The following LAMA2 variants were observed in gnomAD, a reference collection of about 807,000 sequenced individuals.
LAMA2 encodes the protein laminin subunit alpha-2.
A neutral mutation model predicts 364.8 loss-of-function variants in LAMA2; 269 were observed. That is an observed-to-expected ratio of 0.74 (90% CI 0.67 to 0.82). LAMA2 has a LOEUF of 0.82. LAMA2 is among the 40% of genes least tolerant of loss of function. LAMA2 has a pLI of 0.00. For synonymous variants in LAMA2, 1,379 were observed against 1,370.6 expected (o/e 1.01, Z -0.14); for missense variants, 3,807 against 3,873.2 (o/e 0.98, Z 0.45).
At chr6:128,963,541 G>A (rs887176762) in intron 1 of LAMA2, among the ~76,000 whole-genome samples, 3 of 151,798 alleles carry the variant, frequency 2.0e-5, no homozygotes, top group African/African-American at 4.8e-5. Context: ...GTTTACTGTT[G>A]TAAAATCTTA....
In LAMA2 at chr6:129,502,492, G is replaced by A. The variant is rs143852113; in HGVS notation, c.8245-167G>A. 8.3e-3 allele frequency among the ~76,000 whole-genome samples: 1,260 copies of A among 152,322 alleles called. 10 individuals carry two copies. Among genetic ancestry groups the A allele is most frequent in the Non-Finnish European group, 0.014 (942 of 68,038 alleles). ...ATGAGAAAACTGATTCACACGCACTGAGCACTCAATAATAAGTACTTACTA... is the reference window on the plus strand; with the variant it reads ...ATGAGAAAACTGATTCACACGCACTAAGCACTCAATAATAAGTACTTACTA... On this transcript the variant is annotated intron_variant, in intron 58 of 64. Transcript: ENST00000421865.
chr6:129,440,182 T>A (rs1782035596), intron 42 of LAMA2, among the ~76,000 whole-genome samples: 1 of 152,142 alleles, frequency 6.6e-6, no homozygotes, highest in Non-Finnish European at 1.5e-5. Context: ...AGTAGTCATC[T>A]ATAGGTACAA....
At chr6:129,389,632 C>T (rs1453432110) in intron 35 of LAMA2, among the ~76,000 whole-genome samples, 2 of 152,188 alleles carry the variant, frequency 1.3e-5, no homozygotes, top group Admixed American at 6.5e-5. Context: ...GACCACAGTT[C>T]TGCAGGCTTA....
intron 12 of LAMA2, among the ~76,000 whole-genome samples, chr6:129,237,027 C>G (rs967076930): frequency 3.3e-5 from 5 of 152,200 alleles, no homozygotes; most frequent in African/African-American, 4.8e-5. Context: ...GCTTTCACCA[C>G]CTGCCATCTT....
At chr6:128,993,143 C>T (rs924273686) in intron 1 of LAMA2, among the ~76,000 whole-genome samples, 7 of 152,224 alleles carry the variant, frequency 4.6e-5, no homozygotes, top group Non-Finnish European at 7.3e-5. Flanking sequence ...TCAGCTACAA[C>T]AACCACACTT....
At chr6:129,374,373 T>C (rs962095923) in intron 34 of LAMA2, among the ~76,000 whole-genome samples, 4 of 152,152 alleles carry the variant, frequency 2.6e-5, no homozygotes, top group African/African-American at 9.7e-5. Context: ...GAGACAGTGC[T>C]CTAGACTAGG....
Position 129,516,219 on chromosome 6 carries a change from A to G in LAMA2, c.9241A>G (p.Ser3081Gly), listed in dbSNP as rs1047293004. 11 of 1,614,146 alleles carry G rather than the reference A, an allele frequency of 6.8e-6. No individual in the cohort carries two copies. Among genetic ancestry groups the G allele is most frequent in the Non-Finnish European group, 9.3e-6 (11 of 1,180,012 alleles). Residue 3081 changes from serine to glycine, a missense_variant, in exon 65 of 65, where the codon AGT becomes GGT. Around this residue, in one of 3 missense-constraint regions of LAMA2, gnomAD observed 3,333 missense variants for 3,345.7 expected, o/e 1.00. Transcript: ENST00000421865. ...CCTCAAGCAGTTTGGCCTAACAACC[A>G]GTATTCCGTTCCGAGGTTGCATCAG... ...DDLKQFGLTT[S>G]IPFRGCIRSL...
intron 51 of LAMA2, among the ~76,000 whole-genome samples, chr6:129,465,919 T>C (rs981556517): frequency 1.3e-5 from 2 of 151,900 alleles, no homozygotes; most frequent in African/African-American, 4.8e-5. Flanking sequence ...CCAAGTCTAT[T>C]AATTCTGAGT....
At chr6:129,442,372 G>T in intron 43 of LAMA2, 1 of 291,484 alleles carries the variant, frequency 3.4e-6, no homozygotes, top group East Asian at 1.3e-4. Flanking sequence ...TTTAATGTAA[G>T]CCCAGAAATG....
At position 129,114,454 on chromosome 6, in the gene LAMA2, C is replaced by A. The variant is rs1390948477; in HGVS notation, c.639+16039C>A. Among the ~76,000 whole-genome samples, 7 of 151,896 alleles carry A rather than the reference C, an allele frequency of 4.6e-5. No homozygotes were observed. The South Asian group carries it at 1.5e-3, about 32-fold the overall frequency. ...ACATTCTTGTTAGTTCCCATTGATA[C>A]GATTATAACTCACACAATTCCCTAA... On this transcript the variant is annotated intron_variant, in intron 4 of 64. Coordinates refer to ENST00000421865, the MANE Select transcript of LAMA2 (RefSeq NM_000426.4).
At chr6:129,243,008 A>C (rs1785497238) in intron 12 of LAMA2, among the ~76,000 whole-genome samples, 1 of 152,032 alleles carries the variant, frequency 6.6e-6, no homozygotes, top group Non-Finnish European at 1.5e-5. Flanking sequence ...GCTCAAATGG[A>C]TCTGTGTTGG....
chr6:129,500,846 A>G (rs1372794889), intron 58 of LAMA2, among the ~76,000 whole-genome samples: 1 of 152,224 alleles, frequency 6.6e-6, no homozygotes, highest in Non-Finnish European at 1.5e-5. Context: ...TTTAAATTTT[A>G]ATAGAGAAGT....
intron 1 of LAMA2, among the ~76,000 whole-genome samples, chr6:128,949,985 A>G (rs1780713778): frequency 6.6e-6 from 1 of 152,180 alleles, no homozygotes; most frequent in Non-Finnish European, 1.5e-5. Flanking sequence ...ATTTTTTATT[A>G]CTTCTAAAAT....
intron 32 of LAMA2, among the ~76,000 whole-genome samples, chr6:129,359,160 CAA>C (rs1279040523): frequency 3.3e-5 from 5 of 151,310 alleles, no homozygotes; most frequent in Admixed American, 1.3e-4. Flanking sequence ...ATAGTACTTT[CAA>C]AGTTTCCATT....
chr6:129,478,870 G>A (rs958490853), intron 54 of LAMA2, 57 bp downstream of exon 54: 4 of 1,466,962 alleles, frequency 2.7e-6, no homozygotes, highest in Non-Finnish European at 2.9e-6. Flanking sequence ...CACTTACTTA[G>A]TGTGGCTGCT....
At chr6:129,008,911 GTACTTAC>G (rs1784598720) in intron 1 of LAMA2, among the ~76,000 whole-genome samples, 3 of 152,172 alleles carry the variant, frequency 2.0e-5, no homozygotes, top group Admixed American at 2.0e-4. Flanking sequence ...AGGATGTAGT[GTACTTAC>G]TGCAGTGTGG....
intron 34 of LAMA2, among the ~76,000 whole-genome samples, chr6:129,375,990 C>G (rs931654787): frequency 3.3e-5 from 5 of 152,200 alleles, no homozygotes; most frequent in Non-Finnish European, 7.3e-5. Context: ...TCTATGGTGA[C>G]TCTTTGTAAG....
intron 1 of LAMA2, among the ~76,000 whole-genome samples, chr6:129,014,925 A>G (rs1266918878): frequency 6.6e-6 from 1 of 151,944 alleles, no homozygotes; most frequent in East Asian, 1.9e-4. Flanking sequence ...AATAATGAGT[A>G]TATCACGTAT....
rs1369278967 is a variant in LAMA2 at position 129,192,852 on chromosome 6, A to G, written c.1781A>G (p.Lys594Arg). 6.2e-7 allele frequency: 1 copy of G among 1,613,706 alleles called. No homozygotes were observed. The highest frequency in any genetic ancestry group is 1.1e-5 in the South Asian group (1 of 91,038). Residue 594 changes from lysine to arginine, a missense_variant and splice_region_variant, in exon 12 of 65, where the codon AAA (lysine) becomes AGA (arginine). Coordinates refer to ENST00000421865, the MANE Select transcript of LAMA2 (RefSeq NM_000426.4). The stretch of plus-strand genomic sequence containing the variant: ...GCGCCGGCTCCCTATCTGGGAAACA[A>G]AGTAAGTCCACGCTTGCTTCCCGCT... ...WSAPAPYLGNKLPAVGGQLTF... is the reference protein window; with the variant it reads ...WSAPAPYLGNRLPAVGGQLTF...
Sources: gnomAD v4.1 joint callset for allele counts (sites outside exome capture counted in the v4.1 genomes callset) on GRCh38, gnomAD v4.1.1 for gene constraint, gnomAD v4.1.1 regional missense constraint, MANE v1.5 for transcripts, NCBI Gene and HGNC (gene_info 2026-07-23, HGNC 2026-07-21) for gene names.